SSPN: variants seen among roughly 807,000 people sequenced by gnomAD.
SSPN encodes K-ras oncogene-associated protein.
Under a neutral mutation model 19.1 loss-of-function variants are expected in SSPN, and 15 were observed. That is an observed-to-expected ratio of 0.78 (90% CI 0.52 to 1.21). The LOEUF (loss-of-function observed/expected upper bound fraction) is 1.21, where lower values mean the gene tolerates loss of function less well. Among genes scored for constraint, SSPN ranks in the 50% most tolerant of loss-of-function variants. The probability of loss-of-function intolerance (pLI) is 0.00; values close to 1 mark genes in which losing one functional copy is unlikely to be tolerated. For missense variants in SSPN, 291 were observed against 314.0 expected (o/e 0.93, Z 0.55); for synonymous variants, 147 against 140.3 (o/e 1.05, Z -0.34).
chr12:26,217,685 C>T (rs1945069729), intron 1 of SSPN, among the ~76,000 whole-genome samples: 1 of 134,946 alleles, frequency 7.4e-6, no homozygotes, highest in Non-Finnish European at 1.6e-5. Context: ...CAGTTTTTGC[C>T]CATTCAGTAT....
At chr12:26,175,945 T>G (rs781267138) in intron 1 of SSPN, among the ~76,000 whole-genome samples, 8 of 151,972 alleles carry the variant, frequency 5.3e-5, no homozygotes, top group Non-Finnish European at 1.2e-4. Flanking sequence ...CAAGCAATTC[T>G]CCTGCCTCAG....
At chr12:26,136,308 A>G (rs2729627) in intron 1 of SSPN, among the ~76,000 whole-genome samples, 151,839 of 152,324 alleles carry the variant, frequency 1, 75,679 homozygotes, top group Middle Eastern at 1. Context: ...ACCAAGGGAT[A>G]AGTGTGTTTC....
chr12:26,173,369 C>T (rs1473703911), intron 1 of SSPN, among the ~76,000 whole-genome samples: 4 of 152,162 alleles, frequency 2.6e-5, no homozygotes, highest in Admixed American at 6.5e-5. Flanking sequence ...GGTTTCAGGT[C>T]CACCTTTGAA....
upstream of SSPN, among the ~76,000 whole-genome samples, chr12:26,192,533 A>G (rs1252014698): frequency 6.6e-6 from 1 of 152,214 alleles, no homozygotes; most frequent in Non-Finnish European, 1.5e-5. Context: ...ACTATTTGAC[A>G]GTAACTTTTC....
At chr12:26,146,827 A>AAAAAAAAG (rs1166659656) in intron 1 of SSPN, among the ~76,000 whole-genome samples, 3 of 151,750 alleles carry the variant, frequency 2.0e-5, no homozygotes, top group South Asian at 2.1e-4. Context: ...CTAAAAAAAA[A>AAAAAAAAG]AAAGAAAGAA....
rs574522370 is a variant in SSPN at position 26,145,852 on chromosome 12, C to T, written c.-31+23700C>T. On this transcript the variant is annotated intron_variant, in intron 1 of 2. Transcript: ENST00000538142. ...AGGCATAACAAGACTCCTCATGCCC[C>T]GTAAACTCATGGTGCAGTTCACTGC... Among the ~76,000 whole-genome samples, 36 of 152,246 alleles carry T rather than the reference C, an allele frequency of 2.4e-4. 1 individual carries two copies. Among genetic ancestry groups the T allele is most frequent in the African/African-American group, 7.9e-4 (33 of 41,546 alleles).
At chr12:26,148,594 C>G (rs1434068402) in intron 1 of SSPN, among the ~76,000 whole-genome samples, 1 of 152,066 alleles carries the variant, frequency 6.6e-6, no homozygotes, top group East Asian at 1.9e-4. Flanking sequence ...ATCTTGCATT[C>G]TATAATATTT....
chr12:26,204,135 C>T (rs1277964982), intron 1 of SSPN, among the ~76,000 whole-genome samples: 1 of 152,230 alleles, frequency 6.6e-6, no homozygotes, highest in South Asian at 2.1e-4. Context: ...CTCTTAAGCT[C>T]GTTTTACAGC....
At chr12:26,230,563 C>A in intron 2 of SSPN, 148 bp from the exon 3 acceptor site, 5 of 847,372 alleles carry the variant, frequency 5.9e-6, no homozygotes, top group Non-Finnish European at 8.9e-6. Context: ...ATTTCCATGT[C>A]TTGGGTGTTG....
At chr12:26,201,045 AT>A (rs376646236) in intron 1 of SSPN, among the ~76,000 whole-genome samples, 75 of 49,924 alleles carry the variant, frequency 1.5e-3, no homozygotes, top group African/African-American at 4.1e-3. Flanking sequence ...ATATATATAT[AT>A]TATATATATA....
intron 1 of SSPN, among the ~76,000 whole-genome samples, chr12:26,138,921 A>G (rs1428371523): frequency 6.6e-6 from 1 of 152,188 alleles, no homozygotes; most frequent in Non-Finnish European, 1.5e-5. Flanking sequence ...TGCTATGAAT[A>G]TTTTAGTTAC....
chr12:26,127,602 C>T (rs752714414), intron 1 of SSPN, among the ~76,000 whole-genome samples: 4 of 152,172 alleles, frequency 2.6e-5, no homozygotes, highest in Non-Finnish European at 5.9e-5. Context: ...TTTACATATT[C>T]ACCTTTTAAC....
intron 2 of SSPN, among the ~76,000 whole-genome samples, chr12:26,226,699 C>T (rs868240544): frequency 2.6e-5 from 4 of 152,276 alleles, no homozygotes; most frequent in South Asian, 2.1e-4. Context: ...TCAGGGCTCC[C>T]CTGGAGGTTC....
intron 1 of SSPN, chr12:26,124,139 CT>C: frequency 6.2e-7 from 1 of 1,612,492 alleles, no homozygotes; most frequent in Non-Finnish European, 8.5e-7. Context: ...TCGGTCTCTT[CT>C]TTTCTTTTCT....
chr12:26,227,087 T>C (rs1452345842), intron 2 of SSPN, among the ~76,000 whole-genome samples: 1 of 152,124 alleles, frequency 6.6e-6, no homozygotes, highest in Non-Finnish European at 1.5e-5. Flanking sequence ...ATATATTTGC[T>C]CGGATTCTCA....
chr12:26,124,865 G>A (rs894235547), intron 1 of SSPN: 50 of 1,327,358 alleles, frequency 3.8e-5, no homozygotes, highest in Non-Finnish European at 5.0e-5. Flanking sequence ...AGACCTTGGG[G>A]GGATCTGTGC....
At chr12:26,164,469 G>A (rs1242549953) in intron 1 of SSPN, among the ~76,000 whole-genome samples, 1 of 152,218 alleles carries the variant, frequency 6.6e-6, no homozygotes, top group Non-Finnish European at 1.5e-5. Context: ...GAGGCCATGT[G>A]TTCTAGGCTG....
At chr12:26,122,523 C>CGAA in intron 1 of SSPN, 1 of 1,280,358 alleles carries the variant, frequency 7.8e-7, no homozygotes, top group Non-Finnish European at 1.0e-6. Context: ...GCCTCCGCCT[C>CGAA]CGCCGAACGC....
intron 1 of SSPN, among the ~76,000 whole-genome samples, chr12:26,156,178 C>T (rs1944554780): frequency 1.3e-5 from 2 of 152,196 alleles, no homozygotes; most frequent in African/African-American, 2.4e-5. Context: ...TTAGTTCACA[C>T]CAGAACTCCG....
Sources: allele counts gnomAD v4.1 joint callset (sites outside exome capture counted in the v4.1 genomes callset), GRCh38; gene constraint gnomAD v4.1.1; transcripts MANE v1.5; gene names NCBI Gene and HGNC (gene_info 2026-07-23, HGNC 2026-07-21).